Variants in LTBP1 observed in about 807,000 individuals in gnomAD.
LTBP1 encodes latent transforming growth factor beta binding protein 1, also known as latent-transforming growth factor beta-binding protein 1.
In LTBP1, 129 loss-of-function variants were observed where a neutral mutation model predicts 207.6. The observed-to-expected ratio is 0.62, with a 90% confidence interval of 0.54 to 0.72. LTBP1 has a LOEUF of 0.72. Ranked by LOEUF, LTBP1 falls within the 30% of genes least tolerant of loss-of-function variation. LTBP1 has a pLI of 0.00. For synonymous variants in LTBP1, 963 were observed against 833.7 expected (o/e 1.16, Z -2.67); for missense variants, 2,281 against 2,217.2 (o/e 1.03, Z -0.58).
At chr2:33,100,984 T>C (rs569058324) in intron 3 of LTBP1, among the ~76,000 whole-genome samples, 11 of 152,336 alleles carry the variant, frequency 7.2e-5, no homozygotes, top group African/African-American at 2.6e-4. Flanking sequence ...TTTGCTGTTA[T>C]GAATAATGCT....
At chr2:33,202,028 C>CACACAGACACACACACACACACAT (rs1423983534) in intron 7 of LTBP1, among the ~76,000 whole-genome samples, 1 of 47,016 alleles carries the variant, frequency 2.1e-5, no homozygotes, top group Non-Finnish European at 6.4e-5. Context: ...CTGGAACACA[C>CACACAGACACACACACACACACAT]ACACACACAC....
At chr2:33,050,849 T>G (rs12470141) in intron 3 of LTBP1, among the ~76,000 whole-genome samples, 1 of 151,774 alleles carries the variant, frequency 6.6e-6, no homozygotes. Context: ...TTCTCCTGCC[T>G]CAGCCTCCTG....
intron 2 of LTBP1, among the ~76,000 whole-genome samples, chr2:32,984,552 A>G (rs1683242654): frequency 6.6e-6 from 1 of 152,240 alleles, no homozygotes; most frequent in Non-Finnish European, 1.5e-5. Context: ...TAGAGGAGAT[A>G]AGTAAAGCTC....
rs2094110492 is a variant in LTBP1, at chr2:33,307,108, G to A, written c.3482-2326G>A. 2.0e-5 allele frequency among the ~76,000 whole-genome samples: 3 copies of A among 151,984 alleles called. No homozygotes were observed. The South Asian group carries it at 6.2e-4, about 32-fold the overall frequency. On this transcript the variant is annotated intron_variant, in intron 22 of 33. Transcript: ENST00000404816. ...CTCAAAAACAAAACAAAACATAACTGATTGTCTACTTTACACCCATTAAAA... is the reference window on the plus strand; with the variant it reads ...CTCAAAAACAAAACAAAACATAACTAATTGTCTACTTTACACCCATTAAAA...
At chr2:33,119,540 A>T (rs1442067986) in intron 4 of LTBP1, among the ~76,000 whole-genome samples, 3 of 152,106 alleles carry the variant, frequency 2.0e-5, no homozygotes, top group Non-Finnish European at 4.4e-5. Flanking sequence ...TGACATAAGG[A>T]TCCATAAATA....
At chr2:33,034,786 G>C (rs1007806204) in intron 3 of LTBP1, among the ~76,000 whole-genome samples, 1 of 152,098 alleles carries the variant, frequency 6.6e-6, no homozygotes, top group African/African-American at 2.4e-5. Context: ...TCCTCTCAGA[G>C]ACTGGTGAAA....
At chr2:33,110,169 C>G (rs2080311580) in intron 3 of LTBP1, among the ~76,000 whole-genome samples, 1 of 152,168 alleles carries the variant, frequency 6.6e-6, no homozygotes, top group African/African-American at 2.4e-5. Flanking sequence ...TAGTTCACTC[C>G]AGCCTCAAAC....
intron 7 of LTBP1, among the ~76,000 whole-genome samples, chr2:33,190,033 A>G (rs1257775605): frequency 6.6e-6 from 1 of 152,168 alleles, no homozygotes; most frequent in East Asian, 1.9e-4. Flanking sequence ...GTCTCAAAAG[A>G]AAGAAAAAAA....
At chr2:32,962,254 C>G (rs1664134869) in intron 2 of LTBP1, among the ~76,000 whole-genome samples, 1 of 152,154 alleles carries the variant, frequency 6.6e-6, no homozygotes, top group African/African-American at 2.4e-5. Context: ...TCTACCCTCC[C>G]TGGAATTTAT....
chr2:33,260,538 CT>C (rs2092981629), intron 13 of LTBP1, among the ~76,000 whole-genome samples: 2 of 152,038 alleles, frequency 1.3e-5, no homozygotes, highest in Admixed American at 6.5e-5. Context: ...TATTCTAAAT[CT>C]TATAATTATG....
chr2:33,321,439 T>C (rs914966444), intron 24 of LTBP1, among the ~76,000 whole-genome samples: 6 of 152,048 alleles, frequency 3.9e-5, no homozygotes, highest in African/African-American at 1.2e-4. Context: ...TTTGTATTCA[T>C]TGGGAACCAG....
chr2:33,070,167 G>A (rs1024958565), intron 3 of LTBP1, among the ~76,000 whole-genome samples: 1 of 152,088 alleles, frequency 6.6e-6, no homozygotes, highest in African/African-American at 2.4e-5. Flanking sequence ...GGTATTTGGT[G>A]GATTTATTTT....
intron 26 of LTBP1, among the ~76,000 whole-genome samples, chr2:33,356,105 G>A (rs986882856): frequency 6.6e-6 from 1 of 151,796 alleles, no homozygotes; most frequent in South Asian, 2.1e-4. Context: ...CTTTAATTGG[G>A]TGCTACAGCC....
Position 33,012,805 on chromosome 2 carries a change from A to C in LTBP1, c.566-8104A>C, listed in dbSNP as rs570232081. 3.3e-5 allele frequency among the ~76,000 whole-genome samples: 5 copies of C among 152,374 alleles called. No individual in the cohort carries two copies. In the South Asian group the frequency reaches 1.0e-3, roughly 32 times the overall value. On this transcript the variant is annotated intron_variant, in intron 2 of 33. Coordinates refer to ENST00000404816, the MANE Select transcript of LTBP1 (RefSeq NM_206943.4). ...AGTTATAACAATATATGTGCATAAT[A>C]GTTTACAGTCTGTAAAACCCAAGAT...
chr2:33,125,326 C>T (rs2081363111), intron 4 of LTBP1, among the ~76,000 whole-genome samples: 1 of 152,206 alleles, frequency 6.6e-6, no homozygotes, highest in African/African-American at 2.4e-5. Context: ...CTGCAGCTTA[C>T]ATGATTGTCA....
intron 13 of LTBP1, among the ~76,000 whole-genome samples, chr2:33,260,267 T>C (rs1481629924): frequency 6.6e-6 from 1 of 152,178 alleles, no homozygotes; most frequent in Non-Finnish European, 1.5e-5. Flanking sequence ...AATAAAAACA[T>C]CCATTTTCAT....
chr2:33,104,316 C>G (rs1341953214), intron 3 of LTBP1, among the ~76,000 whole-genome samples: 2 of 152,186 alleles, frequency 1.3e-5, no homozygotes, highest in Non-Finnish European at 2.9e-5. Flanking sequence ...CAGCCACACC[C>G]CAGCCTCTGG....
At chr2:33,228,331 C>CT in intron 9 of LTBP1, among the ~76,000 whole-genome samples, 1 of 152,228 alleles carries the variant, frequency 6.6e-6, no homozygotes, top group African/African-American at 2.4e-5. Context: ...CTCCATTAGC[C>CT]TTTAAGTTTT....
intron 31 of LTBP1, among the ~76,000 whole-genome samples, chr2:33,378,606 TAAG>T (rs2095174003): frequency 6.6e-6 from 1 of 152,194 alleles, no homozygotes; most frequent in African/African-American, 2.4e-5. Flanking sequence ...AAGCATACTC[TAAG>T]AAGCATGAAC....
Sources: allele counts gnomAD v4.1 joint callset (sites outside exome capture counted in the v4.1 genomes callset), GRCh38; gene constraint gnomAD v4.1.1; transcripts MANE v1.5; gene names NCBI Gene and HGNC (gene_info 2026-07-23, HGNC 2026-07-21).